Variants in DMRT1 observed in about 807,000 individuals in gnomAD.
DMRT1 encodes the protein doublesex- and mab-3-related transcription factor 1.
Under a neutral mutation model 32.3 loss-of-function variants are expected in DMRT1, and 7 were observed. The ratio of observed to expected loss-of-function variants is 0.22; its 90% CI spans 0.12 to 0.41. The LOEUF is 0.41. DMRT1 is among the 10% of genes least tolerant of loss of function. DMRT1 has a pLI of 1.00. For synonymous variants in DMRT1, 278 were observed against 206.1 expected, an observed-to-expected ratio of 1.35 and a Z score of -2.99; for missense variants, 625 against 500.5, an observed-to-expected ratio of 1.25 and a Z score of -2.37.
intron 4 of DMRT1, among the ~76,000 whole-genome samples, chr9:955,051 A>C (rs1417102296): frequency 6.6e-6 from 1 of 152,222 alleles, no homozygotes; most frequent in African/African-American, 2.4e-5. Flanking sequence ...TGTGTGACAA[A>C]AGAGAACCCA....
intron 1 of DMRT1, among the ~76,000 whole-genome samples, chr9:843,437 T>C (rs977982270): frequency 7.9e-5 from 12 of 152,240 alleles, no homozygotes; most frequent in African/African-American, 2.9e-4. Flanking sequence ...AAGATTAAAG[T>C]GCAAATTACT....
chr9:886,806 A>G (rs911516095), intron 2 of DMRT1, among the ~76,000 whole-genome samples: 7 of 152,052 alleles, frequency 4.6e-5, no homozygotes, highest in African/African-American at 1.7e-4. Context: ...CTTTGCTGAC[A>G]CCCCAGTGTT....
At chr9:894,298 C>T in intron 3 of DMRT1, 103 bp downstream of exon 3, 2 of 1,241,570 alleles carry the variant, frequency 1.6e-6, no homozygotes, top group East Asian at 2.3e-5. Context: ...CTTGTGCGCC[C>T]AGAGGCACAC....
intron 3 of DMRT1, among the ~76,000 whole-genome samples, chr9:899,968 C>T (rs1817508984): frequency 1.3e-5 from 2 of 151,786 alleles, no homozygotes; most frequent in South Asian, 4.1e-4. Context: ...GTTATGTGGT[C>T]TCCTCTGAAG....
intron 4 of DMRT1, among the ~76,000 whole-genome samples, chr9:962,915 C>T (rs1335541563): frequency 6.6e-6 from 1 of 152,046 alleles, no homozygotes; most frequent in Admixed American, 6.5e-5. Flanking sequence ...CCAGTGCTCC[C>T]CCAACCTCTG....
In DMRT1 at chr9:841,875, C is replaced by G; in HGVS notation, c.37C>G (p.Pro13Ala). Residue 13 changes from proline to alanine, a missense_variant, in exon 1 of 5, where the codon CCG becomes GCG. By Grantham distance (27) the Pro-to-Ala change is conservative. Coordinates refer to ENST00000382276, the MANE Select transcript of DMRT1 (RefSeq NM_021951.3). The part of the protein sequence containing the change: ...NDEAFSKPST[P>A]SEAPHAPGVP... Reference sequence around the variant, plus strand: ...CGAGGCATTCAGCAAGCCCTCTACACCGTCGGAAGCCCCTCACGCCCCCGG... The same window carrying G: ...CGAGGCATTCAGCAAGCCCTCTACAGCGTCGGAAGCCCCTCACGCCCCCGG... The G allele has an allele frequency of 6.2e-7, 1 of 1,612,614 alleles. No individual in the cohort carries two copies. The highest frequency in any genetic ancestry group is 1.1e-5 in the South Asian group (1 of 90,940).
chr9:898,885 T>C (rs1004734325), intron 3 of DMRT1, among the ~76,000 whole-genome samples: 1 of 152,244 alleles, frequency 6.6e-6, no homozygotes, highest in African/African-American at 2.4e-5. Flanking sequence ...ATTTTAGCCA[T>C]ATTAATTCTT....
intron 3 of DMRT1, chr9:894,791 G>GTTTTTTTTTTTTTTTTTTT (rs1231759673): frequency 6.8e-6 from 1 of 147,956 alleles, no homozygotes; most frequent in African/African-American, 2.6e-5. Flanking sequence ...CTCCAAGTTT[G>GTTTTTTTTTTTTTTTTTTT]TTTTTTTTTT....
intron 2 of DMRT1, among the ~76,000 whole-genome samples, chr9:870,151 A>G (rs1449161021): frequency 6.6e-6 from 1 of 152,154 alleles, no homozygotes; most frequent in Non-Finnish European, 1.5e-5. Context: ...TAATCGCAAT[A>G]CTTTGGGAGG....
intron 2 of DMRT1, among the ~76,000 whole-genome samples, chr9:858,196 C>A (rs1815487022): frequency 1.3e-5 from 2 of 151,984 alleles, no homozygotes; most frequent in South Asian, 4.1e-4. Context: ...GGACAGCTGT[C>A]CTTCATGTGG....
At chr9:894,848 C>T (rs558741522) in intron 3 of DMRT1, 1 of 156,382 alleles carries the variant, frequency 6.4e-6, no homozygotes, top group African/African-American at 2.4e-5. Context: ...GAGTCTCGCT[C>T]TGTTGCCCAG....
At chr9:919,527 A>G (rs575926557) in intron 4 of DMRT1, among the ~76,000 whole-genome samples, 2 of 152,292 alleles carry the variant, frequency 1.3e-5, no homozygotes, top group African/African-American at 4.8e-5. Context: ...CCTTATCCTG[A>G]AAAACGTTAA....
chr9:867,128 G>C (rs374082276), intron 2 of DMRT1, among the ~76,000 whole-genome samples: 1 of 152,156 alleles, frequency 6.6e-6, no homozygotes, highest in African/African-American at 2.4e-5. Flanking sequence ...ATTTACAGCA[G>C]TGGAGAGGAG....
At chr9:933,067 C>T (rs1481581576) in intron 4 of DMRT1, among the ~76,000 whole-genome samples, 1 of 152,144 alleles carries the variant, frequency 6.6e-6, no homozygotes, top group South Asian at 2.1e-4. Context: ...TGCACACCAC[C>T]ATGCCCAGCA....
rs139868974 is a variant in DMRT1, at chr9:949,649, C to G, written c.968-18336C>G. ...AATACAGTATTGTTAACTGTAGGCA[C>G]TAAGCTGCACAGATTTCTAGGACTT... On this transcript the variant is annotated intron_variant, in intron 4 of 4. Coordinates refer to ENST00000382276, the MANE Select transcript of DMRT1 (RefSeq NM_021951.3). Among the ~76,000 whole-genome samples, 124 of 152,338 alleles carry G rather than the reference C, an allele frequency of 8.1e-4. No homozygotes were observed. The East Asian group carries it at 0.02, about 24-fold the overall frequency.
intron 2 of DMRT1, among the ~76,000 whole-genome samples, chr9:871,758 G>A (rs1019514989): frequency 6.6e-6 from 1 of 151,304 alleles, no homozygotes; most frequent in African/African-American, 2.5e-5. Flanking sequence ...ACAGGCGTGA[G>A]CAACCGTGCC....
chr9:896,479 C>T (rs76308874), intron 3 of DMRT1, among the ~76,000 whole-genome samples: 4 of 151,716 alleles, frequency 2.6e-5, no homozygotes, highest in Non-Finnish European at 5.9e-5. Flanking sequence ...ACCTCGAGCT[C>T]CCGGCAACCA....
intron 1 of DMRT1, among the ~76,000 whole-genome samples, chr9:843,782 A>C (rs966247784): frequency 1.3e-5 from 2 of 152,226 alleles, no homozygotes; most frequent in Non-Finnish European, 2.9e-5. Context: ...CAAATGCCCG[A>C]AGGTTATATG....
chr9:957,259 C>T (rs1819629961), intron 4 of DMRT1, among the ~76,000 whole-genome samples: 1 of 152,194 alleles, frequency 6.6e-6, no homozygotes, highest in Non-Finnish European at 1.5e-5. Flanking sequence ...GAGAAGAAGG[C>T]ACAGTAACAA....
Sources: allele counts gnomAD v4.1 joint callset (sites outside exome capture counted in the v4.1 genomes callset), GRCh38; gene constraint gnomAD v4.1.1; transcripts MANE v1.5; gene names NCBI Gene and HGNC (gene_info 2026-07-23, HGNC 2026-07-21).